Variants in MYRFL observed in about 807,000 individuals in gnomAD.
MYRFL encodes myelin regulatory factor like, also known as myelin regulatory factor-like protein.
A neutral mutation model predicts 109.4 loss-of-function variants in MYRFL; 88 were observed. The ratio of observed to expected loss-of-function variants is 0.80; its 90% CI spans 0.68 to 0.96. The LOEUF (loss-of-function observed/expected upper bound fraction) is 0.96. Among genes scored for constraint, MYRFL ranks in the 40% least tolerant of loss-of-function variants. The pLI is 0.00. For missense variants in MYRFL, 957 were observed against 954.9 expected (o/e 1.00, Z -0.03); for synonymous variants, 324 against 320.9 (o/e 1.01, Z -0.10).
chr12:69,895,039 A>C (rs892287789), intron 8 of MYRFL, among the ~76,000 whole-genome samples: 1 of 152,210 alleles, frequency 6.6e-6, no homozygotes, highest in African/African-American at 2.4e-5. Flanking sequence ...CGGCAGCACA[A>C]ATGAAAGGTT....
chr12:69,945,084 G>C (rs1955792873), intron 19 of MYRFL, among the ~76,000 whole-genome samples: 1 of 152,086 alleles, frequency 6.6e-6, no homozygotes, highest in African/African-American at 2.4e-5. Context: ...ATGTGTTTGT[G>C]TTTTAAGCTA....
At chr12:69,865,055 G>C (rs1229758317) in intron 2 of MYRFL, among the ~76,000 whole-genome samples, 1 of 152,166 alleles carries the variant, frequency 6.6e-6, no homozygotes, top group Non-Finnish European at 1.5e-5. Flanking sequence ...GTCTTTTACA[G>C]GGATGGAAAT....
intron 1 of MYRFL, among the ~76,000 whole-genome samples, chr12:69,834,951 G>A (rs1446947858): frequency 1.3e-5 from 2 of 152,114 alleles, no homozygotes; most frequent in East Asian, 3.9e-4. Flanking sequence ...TTTGTTTGGG[G>A]TTAGACTCAA....
At chr12:69,891,407 C>T (rs1446280378) in intron 7 of MYRFL, among the ~76,000 whole-genome samples, 2 of 152,192 alleles carry the variant, frequency 1.3e-5, no homozygotes, top group African/African-American at 4.8e-5. Context: ...TGAGTTTGGG[C>T]TGGCCATCAG....
chr12:69,879,535 A>C, intron 4 of MYRFL, 82 bp downstream of exon 4: 1 of 636,734 alleles, frequency 1.6e-6, no homozygotes, highest in Non-Finnish European at 2.8e-6. Context: ...CCTAGAGAGA[A>C]TGCACAGTGG....
chr12:69,946,671 T>C (rs1565649013), intron 19 of MYRFL: 2 of 152,226 alleles, frequency 1.3e-5, no homozygotes, highest in Non-Finnish European at 2.9e-5. Context: ...CAGACCCCTT[T>C]ATGCAATCAC....
chr12:69,885,563 C>T (rs1886397759), intron 5 of MYRFL, among the ~76,000 whole-genome samples: 1 of 152,176 alleles, frequency 6.6e-6, no homozygotes, highest in Non-Finnish European at 1.5e-5. Flanking sequence ...TTCCCATTCC[C>T]TCCTGATGCC....
At chr12:69,950,713 G>A (rs1051729824) in intron 19 of MYRFL, among the ~76,000 whole-genome samples, 13 of 152,142 alleles carry the variant, frequency 8.5e-5, no homozygotes, top group African/African-American at 3.1e-4. Context: ...GCAGAAGAAT[G>A]GGCAGTGAGT....
intron 13 of MYRFL, among the ~76,000 whole-genome samples, chr12:69,920,463 A>G (rs1462406199): frequency 1.3e-5 from 2 of 152,198 alleles, no homozygotes; most frequent in East Asian, 3.9e-4. Context: ...GCCTCGTGCC[A>G]TGAACCACCT....
In MYRFL at chr12:69,958,538, CA is replaced by C; in HGVS notation, c.*9del. On this transcript the variant is annotated 3_prime_UTR_variant, in exon 25 of 25. Coordinates refer to ENST00000552032, the MANE Select transcript of MYRFL (RefSeq NM_182530.3). ...CTATCGACGCTGTGCCTAATTTGTTCAAGTTTGGGGACTTTACCAAAGAAAA... is the reference window on the plus strand; with the variant it reads ...CTATCGACGCTGTGCCTAATTTGTTCAGTTTGGGGACTTTACCAAAGAAAA... The C allele has an allele frequency of 6.6e-7, 1 of 1,525,314 alleles. No homozygotes were observed. Among genetic ancestry groups the C allele is most frequent in the Non-Finnish European group, 8.8e-7 (1 of 1,141,876 alleles). The allele number at this position is 1,525,314 out of a possible 1,614,324, so 94.5% of individuals were successfully genotyped here. A position where few individuals can be genotyped will look rare whatever the true frequency, so the allele number is the denominator to read the frequency against.
intron 1 of MYRFL, among the ~76,000 whole-genome samples, chr12:69,853,871 T>C (rs1273233293): frequency 8.6e-6 from 1 of 116,918 alleles, no homozygotes; most frequent in Non-Finnish European, 1.8e-5. Flanking sequence ...GACTGGGCGG[T>C]GGGGCAGAGG....
intron 19 of MYRFL, among the ~76,000 whole-genome samples, chr12:69,949,898 C>T (rs1179289359): frequency 1.3e-5 from 2 of 152,154 alleles, no homozygotes; most frequent in Non-Finnish European, 2.9e-5. Flanking sequence ...CAAGCTGAGT[C>T]CTTAGTGCCT....
chr12:69,936,076 ATGTTT>A, intron 16 of MYRFL, 32 bp from the exon 17 acceptor site: 3 of 1,383,388 alleles, frequency 2.2e-6, no homozygotes, highest in African/African-American at 1.8e-5. Context: ...CTGCCACATA[ATGTTT>A]TTTTTTTTTT....
At chr12:69,891,615 CTTTCTTTCCTCCTTCCTTTCTT>C (rs1566002105) in intron 7 of MYRFL, among the ~76,000 whole-genome samples, 14 of 113,186 alleles carry the variant, frequency 1.2e-4, no homozygotes, top group African/African-American at 5.6e-4. Flanking sequence ...CTCTTTCTTT[CTTTCTTTCCTCCTTCCTTTCTT>C]TTTCTTTCTT....
rs1482397956 is a variant in MYRFL at position 69,897,233 on chromosome 12, G to A, written c.1169G>A (p.Arg390Lys). Residue 390 changes from arginine (R) to lysine (K), a missense_variant, in exon 10 of 25, where the codon AGG (arginine) becomes AAG (lysine). Coordinates refer to ENST00000552032, the MANE Select transcript of MYRFL (RefSeq NM_182530.3). ...CTGTTGTCTGCCCACATCTCTGAAAGGATCATTGTAAGGGTAAGCTCAGTT... is the reference window on the plus strand; with the variant it reads ...CTGTTGTCTGCCCACATCTCTGAAAAGATCATTGTAAGGGTAAGCTCAGTT... ...FYLLSAHISERIIVRASNPGQ... is the reference protein window; with the variant it reads ...FYLLSAHISEKIIVRASNPGQ... 1.6e-5 allele frequency: 25 copies of A among 1,535,618 alleles called. No homozygotes were observed. Among genetic ancestry groups the A allele is most frequent in the Non-Finnish European group, 2.0e-5 (23 of 1,146,586 alleles).
At chr12:69,858,871 T>C (rs1469026680) in intron 2 of MYRFL, among the ~76,000 whole-genome samples, 1 of 151,920 alleles carries the variant, frequency 6.6e-6, no homozygotes, top group African/African-American at 2.4e-5. Context: ...ATTTTGTTCC[T>C]TATGCTTAAT....
intron 2 of MYRFL, among the ~76,000 whole-genome samples, chr12:69,857,544 G>T (rs565146958): frequency 6.6e-6 from 1 of 151,660 alleles, no homozygotes; most frequent in South Asian, 2.1e-4. Context: ...TATTTATTGA[G>T]GGCTTCTTTG....
intron 19 of MYRFL, among the ~76,000 whole-genome samples, chr12:69,950,067 A>T (rs78136335): frequency 0.021 from 3,271 of 152,200 alleles, 121 homozygotes; most frequent in African/African-American, 0.075. Flanking sequence ...ATTTCCTCTA[A>T]CATTTCATGT....
At chr12:69,868,098 CTTTTTTTTTTCTTTTTTT>C (rs1156280571) in intron 2 of MYRFL, among the ~76,000 whole-genome samples, 2 of 143,156 alleles carry the variant, frequency 1.4e-5, no homozygotes, top group Non-Finnish European at 3.1e-5. Context: ...GCCTCGGTTT[CTTTTTTTTTTCTTTTTTT>C]TTTTTTTTGA....
Sources: gnomAD v4.1 joint callset for allele counts (sites outside exome capture counted in the v4.1 genomes callset) on GRCh38, gnomAD v4.1.1 for gene constraint, MANE v1.5 for transcripts, NCBI Gene and HGNC (gene_info 2026-07-23, HGNC 2026-07-21) for gene names.